The following ZSCAN25 variants were observed in gnomAD, a reference collection of about 807,000 sequenced individuals.
ZSCAN25 encodes the protein zinc finger and SCAN domain containing 25.
ZSCAN25 carries 27 observed loss-of-function variants against 38.7 expected under a neutral mutation model. The ratio of observed to expected loss-of-function variants is 0.70; its 90% confidence interval spans 0.51 to 0.96. The LOEUF (loss-of-function observed/expected upper bound fraction) is 0.96. Among genes scored for constraint, ZSCAN25 ranks in the 40% least tolerant of loss-of-function variants. ZSCAN25 has a pLI of 0.00. For synonymous variants in ZSCAN25, 273 were observed against 277.7 expected (o/e 0.98, Z 0.17); for missense variants, 637 against 705.9 (o/e 0.90, Z 1.11).
the ZSCAN25 span, chr7:99,705,643 G>A: frequency 8.7e-6 from 14 of 1,603,120 alleles, no homozygotes; most frequent in East Asian, 6.7e-5. Flanking sequence ...TAAAGCAAAA[G>A]TAGAAAGTAT....
At chr7:99,648,306 C>G in the ZSCAN25 span, 1 of 1,611,640 alleles carries the variant, frequency 6.2e-7, no homozygotes, top group Non-Finnish European at 8.5e-7. Context: ...TAGAATAACT[C>G]ATTCTCCACT....
the ZSCAN25 span, among the ~76,000 whole-genome samples, chr7:99,694,062 TATC>T: frequency 6.6e-6 from 1 of 152,212 alleles, no homozygotes; most frequent in Admixed American, 6.5e-5. Context: ...CTGAATGACT[TATC>T]ATTGTGTGTA....
chr7:99,726,371 A>G, the ZSCAN25 span, among the ~76,000 whole-genome samples: 3 of 152,182 alleles, frequency 2.0e-5, no homozygotes, highest in Non-Finnish European at 2.9e-5. Context: ...TTACCTGTCT[A>G]AAAACCAGAC....
At chr7:99,693,724 G>T in the ZSCAN25 span, among the ~76,000 whole-genome samples, 6 of 152,230 alleles carry the variant, frequency 3.9e-5, no homozygotes, top group African/African-American at 7.2e-5. Context: ...TCGAGGCACG[G>T]GAGGGTATCT....
At chr7:99,665,597 C>A in the ZSCAN25 span, among the ~76,000 whole-genome samples, 1 of 152,200 alleles carries the variant, frequency 6.6e-6, no homozygotes, top group Non-Finnish European at 1.5e-5. Flanking sequence ...CATTATCAGA[C>A]AACTACAGTA....
chr7:99,627,530 G>C (rs1807582644), intron 7 of ZSCAN25, among the ~76,000 whole-genome samples: 1 of 152,094 alleles, frequency 6.6e-6, no homozygotes. Context: ...TTCACACCAT[G>C]ATATAGGTGA....
At chr7:99,712,829 A>G in the ZSCAN25 span, among the ~76,000 whole-genome samples, 1 of 152,196 alleles carries the variant, frequency 6.6e-6, no homozygotes, top group African/African-American at 2.4e-5. Flanking sequence ...TTTGCCACTC[A>G]TAGTAACAAT....
At chr7:99,648,536 C>CCTG in the ZSCAN25 span, 1 of 588,090 alleles carries the variant, frequency 1.7e-6, no homozygotes, top group South Asian at 2.4e-5. Context: ...GTATCTTGAA[C>CCTG]TCTTCATACT....
chr7:99,716,508 G>A, the ZSCAN25 span, among the ~76,000 whole-genome samples: 1 of 152,082 alleles, frequency 6.6e-6, no homozygotes, highest in African/African-American at 2.4e-5. Flanking sequence ...AATGACAAAT[G>A]ATGTCCTGGT....
chr7:99,654,477 A>G, the ZSCAN25 span, among the ~76,000 whole-genome samples: 3 of 152,182 alleles, frequency 2.0e-5, no homozygotes, highest in Admixed American at 6.5e-5. Context: ...AATCCAGTCT[A>G]TCATTATTGG....
At chr7:99,721,965 C>G in the ZSCAN25 span, among the ~76,000 whole-genome samples, 2 of 152,184 alleles carry the variant, frequency 1.3e-5, no homozygotes, top group African/African-American at 4.8e-5. Context: ...GCCTGTCCAA[C>G]CTTGGTGTGG....
the ZSCAN25 span, chr7:99,720,685 T>G: frequency 4.2e-5 from 16 of 377,490 alleles, no homozygotes; most frequent in Non-Finnish European, 7.4e-5. Context: ...TGGTTAGAAA[T>G]GACAGGAGAG....
chr7:99,634,116 G>A (rs1562975523), downstream of ZSCAN25, among the ~76,000 whole-genome samples: 1 of 152,178 alleles, frequency 6.6e-6, no homozygotes, highest in South Asian at 2.1e-4. Flanking sequence ...TGCATGTGCC[G>A]TGCTGCTGGG....
the ZSCAN25 span, chr7:99,700,043 G>T: frequency 2.5e-6 from 4 of 1,597,696 alleles, no homozygotes; most frequent in Admixed American, 3.3e-5. Flanking sequence ...ATCGCCACTT[G>T]CCTTCTTCAA....
chr7:99,623,101 C>T (rs955954697), intron 6 of ZSCAN25, among the ~76,000 whole-genome samples: 5 of 152,192 alleles, frequency 3.3e-5, no homozygotes, highest in Middle Eastern at 3.2e-3. Flanking sequence ...CCACCGCGCC[C>T]AGCCACAGAT....
At chr7:99,632,986 G>GTTTTTTTTGTTTTTTTTTTTTT (rs201141594), downstream of ZSCAN25, among the ~76,000 whole-genome samples, 39 of 141,538 alleles carry the variant, frequency 2.8e-4, 1 homozygote, top group Non-Finnish European at 4.9e-4. Context: ...TGCATTTTCT[G>GTTTTTTTTGTTTTTTTTTTTTT]TTGTTTTTTT....
the ZSCAN25 span, among the ~76,000 whole-genome samples, chr7:99,640,883 G>A: frequency 1.3e-5 from 2 of 152,218 alleles, no homozygotes; most frequent in Non-Finnish European, 2.9e-5. Flanking sequence ...GAAGCAGAGC[G>A]ACTTGGGAGG....
chr7:99,656,257 C>A, the ZSCAN25 span, among the ~76,000 whole-genome samples: 1 of 152,164 alleles, frequency 6.6e-6, no homozygotes, highest in Non-Finnish European at 1.5e-5. Flanking sequence ...TAGGTTCCAT[C>A]AATACCTAAT....
the ZSCAN25 span, among the ~76,000 whole-genome samples, chr7:99,669,732 C>T: frequency 6.6e-6 from 1 of 152,066 alleles, no homozygotes; most frequent in African/African-American, 2.4e-5. Context: ...CTGAAGAAAT[C>T]GAAATGTCAC....
Sources: gnomAD v4.1 joint callset for allele counts (sites outside exome capture counted in the v4.1 genomes callset) on GRCh38, gnomAD v4.1.1 for gene constraint, MANE v1.5 for transcripts, NCBI Gene and HGNC (gene_info 2026-07-23, HGNC 2026-07-21) for gene names.